The following CASP8 variants were observed in gnomAD, a reference collection of about 807,000 sequenced individuals.
CASP8 encodes caspase 8.
Under a neutral mutation model 46.3 loss-of-function variants are expected in CASP8, and 24 were observed. That is an observed-to-expected ratio of 0.52 (90% CI 0.38 to 0.73). The LOEUF (loss-of-function observed/expected upper bound fraction) is 0.73. CASP8 is among the 30% of genes least tolerant of loss of function. CASP8 has a pLI of 0.00. For missense variants in CASP8, 460 were observed against 559.0 expected (o/e 0.82, Z 1.79); for synonymous variants, 188 against 200.4 (o/e 0.94, Z 0.52).
At chr2:201,268,909 T>TGTGTGTG (rs1363930678) in intron 2 of CASP8, among the ~76,000 whole-genome samples, 2 of 131,534 alleles carry the variant, frequency 1.5e-5, no homozygotes, top group African/African-American at 5.6e-5. Flanking sequence ...GGCCTCATCT[T>TGTGTGTG]TGTGTGTGTG....
At chr2:201,246,232 A>C (rs905990489) in intron 2 of CASP8, among the ~76,000 whole-genome samples, 4 of 152,118 alleles carry the variant, frequency 2.6e-5, no homozygotes, top group African/African-American at 9.7e-5. Flanking sequence ...TCAGTCTGGC[A>C]TGTGTGGGAA....
At chr2:201,260,365 C>T (rs920274398), upstream of CASP8, 4 of 172,690 alleles carry the variant, frequency 2.3e-5, no homozygotes, top group Middle Eastern at 2.7e-3. Context: ...AGGTGCCCTG[C>T]GTGCGGTCTC....
Position 201,285,112 on chromosome 2 carries a change from A to C in CASP8, c.1099A>C (p.Lys367Gln), listed in dbSNP as rs1359161001. 37 of 1,614,198 alleles carry C rather than the reference A, an allele frequency of 2.3e-5. No individual in the cohort carries two copies. Among genetic ancestry groups the C allele is most frequent in the Middle Eastern group, 3.3e-4 (2 of 6,062 alleles). The part of the protein sequence containing the change: ...IQACQGDNYQ[K>Q]GIPVETDSEE... ...GGCTTGTCAGGGGGATAACTACCAG[A>C]AAGGTATACCTGTTGAGACTGATTC... is the stretch of plus-strand genomic sequence containing the variant. The change falls in exon 8 of 9, where the codon AAA becomes CAA. Residue 367 changes from lysine to glutamine, a missense_variant. Lys to Gln is a moderately conservative substitution (Grantham distance 53). Transcript: ENST00000673742.
At chr2:201,280,452 G>C (rs1221050563) in intron 7 of CASP8, among the ~76,000 whole-genome samples, 2 of 152,114 alleles carry the variant, frequency 1.3e-5, no homozygotes, top group East Asian at 3.8e-4. Context: ...TCTGGAAAGA[G>C]AAAAAAGTAA....
intron 2 of CASP8, among the ~76,000 whole-genome samples, chr2:201,253,756 G>GGTGA (rs1946891702): frequency 1.3e-5 from 2 of 151,968 alleles, no homozygotes; most frequent in Admixed American, 1.3e-4. Flanking sequence ...CAAGAATATT[G>GGTGA]GGGATCCTCA....
At chr2:201,250,722 T>G (rs1946740448) in intron 2 of CASP8, among the ~76,000 whole-genome samples, 1 of 152,242 alleles carries the variant, frequency 6.6e-6, no homozygotes, top group African/African-American at 2.4e-5. Context: ...ATCCAAACCA[T>G]GTCAGTCGTG....
At position 201,239,310 on chromosome 2, in the gene CASP8, G is replaced by A. The variant is rs879414407; in HGVS notation, c.-27+5198G>A. Among the ~76,000 whole-genome samples the A allele has an allele frequency of 1.9e-3, 285 of 152,206 alleles. 1 individual carries two copies. The highest frequency in any genetic ancestry group is 2.2e-3 in the Non-Finnish European group (151 of 68,014). On this transcript the variant is annotated intron_variant, in intron 2 of 6. Transcript: ENST00000264274. ...CACCTCCCAGACGGGGTGGTGGCCG[G>A]GCAGAGGGGCTCCTCACCTCCCAGT...
intron 2 of CASP8, among the ~76,000 whole-genome samples, chr2:201,250,533 G>A (rs1448718103): frequency 2.0e-5 from 3 of 152,146 alleles, no homozygotes; most frequent in Non-Finnish European, 4.4e-5. Flanking sequence ...GCAAGAGAGC[G>A]GGGAGGTGCC....
At chr2:201,249,640 G>C (rs541990447) in intron 2 of CASP8, among the ~76,000 whole-genome samples, 2 of 152,200 alleles carry the variant, frequency 1.3e-5, no homozygotes, top group Admixed American at 6.5e-5. Flanking sequence ...CGAGAGGATC[G>C]CTTGAGCGCG....
chr2:201,264,100 C>T (rs942611328), intron 1 of CASP8, among the ~76,000 whole-genome samples: 1 of 152,190 alleles, frequency 6.6e-6, no homozygotes, highest in Non-Finnish European at 1.5e-5. Context: ...TTATGTAGAT[C>T]ACGCAGGCTC....
chr2:201,236,380 AT>A (rs1301113839), intron 2 of CASP8, among the ~76,000 whole-genome samples: 2 of 151,630 alleles, frequency 1.3e-5, no homozygotes, highest in Non-Finnish European at 2.9e-5. Context: ...ATATTTGGGG[AT>A]TTTCCAGACA....
chr2:201,247,427 G>C (rs2124963968), intron 2 of CASP8, among the ~76,000 whole-genome samples: 1 of 151,290 alleles, frequency 6.6e-6, no homozygotes, highest in African/African-American at 2.4e-5. Context: ...TTGACCCTCA[G>C]CTCCACATTT....
rs1576296576 is a variant in CASP8, at chr2:201,264,796, A to G, written c.-26-1665A>G. On this transcript the variant is annotated intron_variant, in intron 1 of 8. Transcript: ENST00000673742. ...GCAATGAGCCAAGATTGCGCCCTGC[A>G]CTCCAGCCTGGGTGACAGAGTGAGA... 2.6e-5 allele frequency among the ~76,000 whole-genome samples: 4 copies of G among 152,166 alleles called. No homozygotes were observed. In the South Asian group the frequency reaches 8.3e-4, roughly 32 times the overall value.
Position 201,276,962 on chromosome 2 carries a change from G to T in CASP8, c.796G>T (p.Asp266Tyr). 4 of 1,611,894 alleles carry T rather than the reference G, an allele frequency of 2.5e-6. No individual in the cohort carries two copies. The highest frequency in any genetic ancestry group is 3.4e-6 in the Non-Finnish European group (4 of 1,178,044). Residue 266 changes from aspartate to tyrosine, a missense_variant, in exon 7 of 9, where the codon GAT becomes TAT. Coordinates refer to ENST00000673742, the MANE Select transcript of CASP8 (RefSeq NM_001372051.1). ...SIRDRNGTHL[D>Y]AGALTTTFEE... ...TAGGGACAGGAATGGAACACACTTG[G>T]ATGCAGGTACAGTAGAACCCAAAAG...
intron 2 of CASP8, among the ~76,000 whole-genome samples, chr2:201,253,236 A>G (rs1946863721): frequency 7.3e-6 from 1 of 136,956 alleles, no homozygotes; most frequent in Non-Finnish European, 1.5e-5. Flanking sequence ...TGATCCTCCC[A>G]CTTCAGCCTC....
rs367788743 is a variant in CASP8, at chr2:201,244,686, T to C, written c.-27+10574T>C. 1.2e-4 allele frequency among the ~76,000 whole-genome samples: 19 copies of C among 152,332 alleles called. No individual in the cohort carries two copies. The East Asian group carries it at 2.5e-3, about 20-fold the overall frequency. On this transcript the variant is annotated intron_variant, in intron 2 of 6. Transcript: ENST00000264274. The stretch of plus-strand genomic sequence containing the variant: ...GCCTCAAGTTGATAGTGATTATTTT[T>C]TGCAGGCAAAAAAATCCATGCTCAG...
chr2:201,252,984 A>G (rs1009134465), intron 2 of CASP8, among the ~76,000 whole-genome samples: 1 of 151,982 alleles, frequency 6.6e-6, no homozygotes, highest in African/African-American at 2.4e-5. Flanking sequence ...CCCTCCCAAC[A>G]TCTGATTTTT....
intron 2 of CASP8, among the ~76,000 whole-genome samples, chr2:201,234,685 C>A (rs1945972920): frequency 6.6e-6 from 1 of 151,890 alleles, no homozygotes; most frequent in African/African-American, 2.4e-5. Flanking sequence ...TCTCAAACTT[C>A]TGGCCCCAAG....
At chr2:201,239,390 C>T (rs566223717) in intron 2 of CASP8, among the ~76,000 whole-genome samples, 58 of 152,150 alleles carry the variant, frequency 3.8e-4, no homozygotes, top group African/African-American at 1.3e-3. Context: ...GCTGGCCGGG[C>T]GGGGGGCTGA....
Sources: allele counts gnomAD v4.1 joint callset (sites outside exome capture counted in the v4.1 genomes callset), GRCh38; gene constraint gnomAD v4.1.1; transcripts MANE v1.5; gene names NCBI Gene and HGNC (gene_info 2026-07-23, HGNC 2026-07-21).